Variants in ATP8A2 observed in about 807,000 individuals in gnomAD.
ATP8A2 encodes the protein phospholipid-transporting ATPase IB.
A neutral mutation model predicts 165.6 loss-of-function variants in ATP8A2; 100 were observed. That is an observed-to-expected ratio of 0.60 (90% CI 0.51 to 0.71). The LOEUF (loss-of-function observed/expected upper bound fraction) is 0.71, where lower values mean the gene tolerates loss of function less well. Among genes scored for constraint, ATP8A2 ranks in the 30% least tolerant of loss-of-function variants. The pLI is 0.00. For synonymous variants in ATP8A2, 543 were observed against 548.8 expected, an observed-to-expected ratio of 0.99 and a Z score of 0.15; for missense variants, 1,227 against 1,479.5, an observed-to-expected ratio of 0.83 and a Z score of 2.80.
intron 33 of ATP8A2, among the ~76,000 whole-genome samples, chr13:25,938,537 A>ATG (rs146012854): frequency 1.3e-5 from 2 of 151,624 alleles, no homozygotes; most frequent in East Asian, 1.9e-4. Flanking sequence ...CTAAACATGC[A>ATG]TGTGTGTGTG....
At chr13:25,774,222 T>C (rs1409375828) in intron 26 of ATP8A2, among the ~76,000 whole-genome samples, 1 of 152,236 alleles carries the variant, frequency 6.6e-6, no homozygotes, top group Admixed American at 6.5e-5. Flanking sequence ...TGGAATACTA[T>C]GCAGCCATAA....
At chr13:25,798,378 G>T (rs1950540221) in intron 27 of ATP8A2, among the ~76,000 whole-genome samples, 1 of 152,142 alleles carries the variant, frequency 6.6e-6, no homozygotes, top group Admixed American at 6.6e-5. Context: ...TTGTTTAGGG[G>T]AGGGCACAGG....
chr13:25,612,196 G>C (rs1482324316), intron 24 of ATP8A2, among the ~76,000 whole-genome samples: 3 of 151,860 alleles, frequency 2.0e-5, no homozygotes, highest in Non-Finnish European at 2.9e-5. Flanking sequence ...GTTTGTTCTT[G>C]TTTCTCTGGT....
At chr13:25,377,991 G>A (rs2032698453) in intron 1 of ATP8A2, among the ~76,000 whole-genome samples, 1 of 152,130 alleles carries the variant, frequency 6.6e-6, no homozygotes, top group Non-Finnish European at 1.5e-5. Context: ...TGTGGCACAT[G>A]CCTGTAGTCC....
At chr13:25,496,702 A>G (rs1006725258) in intron 2 of ATP8A2, among the ~76,000 whole-genome samples, 2 of 152,182 alleles carry the variant, frequency 1.3e-5, no homozygotes, top group Admixed American at 6.5e-5. Context: ...TCTGATCTCT[A>G]ATAGCCCAGG....
chr13:25,646,671 A>AACAC (rs10675043), intron 24 of ATP8A2, among the ~76,000 whole-genome samples: 1 of 123,996 alleles, frequency 8.1e-6, no homozygotes, highest in Non-Finnish European at 1.6e-5. Context: ...AAAAAAAAAA[A>AACAC]CACACAAAAG....
intron 2 of ATP8A2, among the ~76,000 whole-genome samples, chr13:25,528,754 T>TACATATGCAACATGTGTATGCAC (rs1566224559): frequency 2.7e-4 from 38 of 140,272 alleles, no homozygotes; most frequent in Non-Finnish European, 2.8e-4. Flanking sequence ...TGTGTATGCA[T>TACATATGCAACATGTGTATGCAC]ACATATGCAA....
intron 2 of ATP8A2, among the ~76,000 whole-genome samples, chr13:25,488,878 C>CA (rs2036433213): frequency 1.8e-5 from 2 of 111,554 alleles, no homozygotes; most frequent in Non-Finnish European, 3.5e-5. Context: ...CCCCACCCCC[C>CA]ACCCCCCATT....
chr13:25,464,931 C>T (rs1397600422), intron 1 of ATP8A2, among the ~76,000 whole-genome samples: 1 of 152,230 alleles, frequency 6.6e-6, no homozygotes, highest in Admixed American at 6.5e-5. Flanking sequence ...TGACCTTCCA[C>T]TCTCTTGTCT....
chr13:25,454,396 G>A (rs1694054812), intron 1 of ATP8A2, among the ~76,000 whole-genome samples: 1 of 151,278 alleles, frequency 6.6e-6, no homozygotes, highest in Non-Finnish European at 1.5e-5. Context: ...GACAGAGATG[G>A]AGTTAGGAGT....
intron 25 of ATP8A2, among the ~76,000 whole-genome samples, chr13:25,700,690 G>A (rs899703331): frequency 5.3e-5 from 8 of 152,118 alleles, no homozygotes; most frequent in Admixed American, 3.3e-4. Flanking sequence ...CTGTTTGGAC[G>A]TAGGTTTTCG....
chr13:25,766,866 T>C (rs1045897458), intron 25 of ATP8A2, among the ~76,000 whole-genome samples: 1 of 152,188 alleles, frequency 6.6e-6, no homozygotes, highest in Non-Finnish European at 1.5e-5. Context: ...AGGTGGAGTG[T>C]GAGATGCAAT....
Position 25,953,709 on chromosome 13 carries a change from G to T in ATP8A2, c.3184-7866G>T, listed in dbSNP as rs187540105. 1.3e-5 allele frequency among the ~76,000 whole-genome samples: 2 copies of T among 152,026 alleles called. No homozygotes were observed. ...GGGTGCAGCCCACGGAGGGCAAGCCGAAGCAGGGTGGGGCGTTGCCTCACC... is the reference window on the plus strand; with the variant it reads ...GGGTGCAGCCCACGGAGGGCAAGCCTAAGCAGGGTGGGGCGTTGCCTCACC... On this transcript the variant is annotated intron_variant, in intron 33 of 36. Coordinates refer to ENST00000381655, the MANE Select transcript of ATP8A2 (RefSeq NM_016529.6). The surrounding 1 kb of genome is among the most constrained non-coding windows in gnomAD (Gnocchi z 6.7).
intron 33 of ATP8A2, among the ~76,000 whole-genome samples, chr13:25,901,029 G>A (rs1380692229): frequency 6.6e-6 from 1 of 152,210 alleles, no homozygotes; most frequent in African/African-American, 2.4e-5. Flanking sequence ...GGTGTAATTA[G>A]TGCTGAAAGG....
intron 33 of ATP8A2, among the ~76,000 whole-genome samples, chr13:25,886,769 G>A (rs774602047): frequency 2.0e-5 from 3 of 152,162 alleles, no homozygotes; most frequent in African/African-American, 4.8e-5. Context: ...CAGAGGGAGC[G>A]CCAGAGATTA....
At chr13:25,717,885 A>T (rs2043290154) in intron 25 of ATP8A2, among the ~76,000 whole-genome samples, 1 of 152,162 alleles carries the variant, frequency 6.6e-6, no homozygotes, top group Non-Finnish European at 1.5e-5. Context: ...TGAAGATTGA[A>T]GTTAACCTCG....
chr13:25,753,059 G>A (rs1031370611), intron 25 of ATP8A2, among the ~76,000 whole-genome samples: 11 of 152,228 alleles, frequency 7.2e-5, no homozygotes, highest in Admixed American at 7.2e-4. Flanking sequence ...GCCCTCCCTC[G>A]GTCTCCTTCA....
chr13:25,852,626 T>C (rs1489193487), intron 30 of ATP8A2, among the ~76,000 whole-genome samples: 2 of 152,208 alleles, frequency 1.3e-5, no homozygotes, highest in South Asian at 2.1e-4. Flanking sequence ...CTCCTGTCAT[T>C]CTTAGGAGTC....
intron 6 of ATP8A2, among the ~76,000 whole-genome samples, chr13:25,536,620 C>T (rs2137959220): frequency 6.6e-6 from 1 of 152,246 alleles, no homozygotes; most frequent in African/African-American, 2.4e-5. Context: ...TAAGATCTGG[C>T]AGTTTTTCAC....
Sources: gnomAD v4.1 joint callset for allele counts (sites outside exome capture counted in the v4.1 genomes callset) on GRCh38, gnomAD v4.1.1 for gene constraint, Gnocchi (gnomAD v3.1) non-coding constraint, MANE v1.5 for transcripts, NCBI Gene and HGNC (gene_info 2026-07-23, HGNC 2026-07-21) for gene names.